The following PARD3B variants were observed in gnomAD, a reference collection of about 807,000 sequenced individuals.
PARD3B encodes the protein partitioning defective 3 homolog B.
A neutral mutation model predicts 130.2 loss-of-function variants in PARD3B; 103 were observed. The ratio of observed to expected loss-of-function variants is 0.79; its 90% CI spans 0.67 to 0.93. PARD3B has a LOEUF of 0.93. Among genes scored for constraint, PARD3B ranks in the 40% least tolerant of loss-of-function variants. PARD3B has a pLI of 0.00. For missense variants in PARD3B, 1,609 were observed against 1,499.2 expected, an observed-to-expected ratio of 1.07 and a Z score of -1.21; for synonymous variants, 583 against 553.2, an observed-to-expected ratio of 1.05 and a Z score of -0.76.
At chr2:204,579,631 C>A (rs1028838332) in intron 1 of PARD3B, among the ~76,000 whole-genome samples, 1 of 152,178 alleles carries the variant, frequency 6.6e-6, no homozygotes, top group African/African-American at 2.4e-5. Context: ...AGAGAGTAAA[C>A]AAATGGTAAT....
intron 2 of PARD3B, among the ~76,000 whole-genome samples, chr2:204,868,401 C>A (rs2045507348): frequency 2.6e-5 from 4 of 151,928 alleles, no homozygotes; most frequent in Admixed American, 2.6e-4. Context: ...ACATATGTTC[C>A]CAGTACCCAT....
chr2:205,099,253 G>A (rs888054207), intron 4 of PARD3B, among the ~76,000 whole-genome samples: 6 of 152,080 alleles, frequency 3.9e-5, no homozygotes, highest in Admixed American at 6.6e-5. Flanking sequence ...ATTATAGAGC[G>A]TCCAAAACCA....
chr2:204,773,971 C>G (rs544216352), intron 2 of PARD3B, among the ~76,000 whole-genome samples: 1 of 151,976 alleles, frequency 6.6e-6, no homozygotes, highest in Non-Finnish European at 1.5e-5. Flanking sequence ...TTTTTCATTC[C>G]TTTTCTCTAC....
At chr2:204,783,113 G>A (rs1161698557) in intron 2 of PARD3B, among the ~76,000 whole-genome samples, 1 of 152,092 alleles carries the variant, frequency 6.6e-6, no homozygotes, top group African/African-American at 2.4e-5. Flanking sequence ...AATTTCAACT[G>A]ACTAGGCAAC....
chr2:205,023,645 C>T (rs1328447576), intron 3 of PARD3B, among the ~76,000 whole-genome samples: 1 of 149,818 alleles, frequency 6.7e-6, no homozygotes, highest in Non-Finnish European at 1.5e-5. Context: ...AGCTGGACTC[C>T]CAATTCAATA....
At chr2:205,356,533 T>G (rs1469245966) in intron 18 of PARD3B, among the ~76,000 whole-genome samples, 1 of 152,080 alleles carries the variant, frequency 6.6e-6, no homozygotes, top group African/African-American at 2.4e-5. Flanking sequence ...TGGCTGAGAT[T>G]ATTTTTTAAA....
chr2:204,800,666 G>C (rs1344761340), intron 2 of PARD3B, among the ~76,000 whole-genome samples: 1 of 152,158 alleles, frequency 6.6e-6, no homozygotes, highest in African/African-American at 2.4e-5. Context: ...TAGGTTGCCT[G>C]TTCACTCTGA....
chr2:205,601,158 G>A (rs1424661979), intron 22 of PARD3B, among the ~76,000 whole-genome samples: 2 of 152,252 alleles, frequency 1.3e-5, no homozygotes, highest in East Asian at 3.9e-4. Context: ...AGCCTCGCTG[G>A]CATCTGTTGT....
chr2:204,658,712 T>C (rs1236284304), intron 1 of PARD3B, among the ~76,000 whole-genome samples: 1 of 152,192 alleles, frequency 6.6e-6, no homozygotes, highest in Non-Finnish European at 1.5e-5. Flanking sequence ...CTAGAAAATA[T>C]GTGAAAAGCT....
chr2:205,618,622 G>A lies in PARD3B; in HGVS notation c.*2809G>A, dbSNP rs113659163. 6.6e-6 allele frequency: 1 copy of A among 152,236 alleles called. No individual in the cohort carries two copies. Among genetic ancestry groups the A allele is most frequent in the Admixed American group, 6.5e-5 (1 of 15,290 alleles). The allele number at this position is 152,236 out of a possible 1,614,324, so 9.4% of individuals were successfully genotyped here. Reference sequence around the variant, plus strand: ...GCTGCAGATCTGACTGCTGGGTCATGAAGGCCGTGAAATGATGTTTGCCCT... The same window carrying A: ...GCTGCAGATCTGACTGCTGGGTCATAAAGGCCGTGAAATGATGTTTGCCCT... On this transcript the variant is annotated 3_prime_UTR_variant, in exon 23 of 23. Transcript: ENST00000406610.
At chr2:205,332,010 C>T (rs950810046) in intron 18 of PARD3B, among the ~76,000 whole-genome samples, 4 of 151,842 alleles carry the variant, frequency 2.6e-5, no homozygotes, top group Non-Finnish European at 4.4e-5. Context: ...GAAACCGAGG[C>T]AGGAGAATCG....
In PARD3B at chr2:205,288,790, C is replaced by T. The variant is rs2041495209; in HGVS notation, c.2186-11740C>T. ...CTACTTCTCTTACCTATATATCATC[C>T]ATCTTCAAGGATATGACCCACATCA... On this transcript the variant is annotated intron_variant, in intron 16 of 22. Coordinates refer to ENST00000406610, the MANE Select transcript of PARD3B (RefSeq NM_001302769.2). The surrounding 1 kb of genome is among the most constrained non-coding windows in gnomAD (Gnocchi z 4.0). Among the ~76,000 whole-genome samples, 1 of 152,166 alleles carries T rather than the reference C, an allele frequency of 6.6e-6. No individual in the cohort carries two copies. Among genetic ancestry groups the T allele is most frequent in the Admixed American group, 6.5e-5 (1 of 15,272 alleles).
At chr2:205,451,071 A>G (rs1368665174) in intron 20 of PARD3B, among the ~76,000 whole-genome samples, 1 of 152,098 alleles carries the variant, frequency 6.6e-6, no homozygotes, top group Non-Finnish European at 1.5e-5. Context: ...ACAACAGAAA[A>G]CTCAGCTGAT....
In PARD3B at chr2:205,128,992, ATTAAG is replaced by A. The variant is rs1169229382; in HGVS notation, c.1434+3260_1434+3264del. Among the ~76,000 whole-genome samples the A allele has an allele frequency of 3.3e-5, 5 of 152,340 alleles. No individual in the cohort carries two copies. The highest frequency in any genetic ancestry group is 1.2e-4 in the African/African-American group (5 of 41,584). On this transcript the variant is annotated intron_variant, in intron 10 of 22. Coordinates refer to ENST00000406610, the MANE Select transcript of PARD3B (RefSeq NM_001302769.2). This position sits in a 1 kb window ranked among gnomAD's most constrained non-coding sequence, Gnocchi z 4.5. Reference sequence around the variant, plus strand: ...ATAGGCCAAGTCCACCAGGGAGCATATTAAGTTAACTGTGCAACTGTGAGATTATG... The same window carrying A: ...ATAGGCCAAGTCCACCAGGGAGCATATTAACTGTGCAACTGTGAGATTATG...
intron 2 of PARD3B, among the ~76,000 whole-genome samples, chr2:204,820,878 A>T (rs2043326472): frequency 6.6e-6 from 1 of 151,798 alleles, no homozygotes; most frequent in African/African-American, 2.4e-5. Flanking sequence ...AAATCCTAGG[A>T]CTCTTAAGAA....
At chr2:205,207,390 A>C (rs1300812499) in intron 15 of PARD3B, among the ~76,000 whole-genome samples, 3 of 148,530 alleles carry the variant, frequency 2.0e-5, no homozygotes, top group Non-Finnish European at 3.0e-5. Context: ...AAGGAAATAG[A>C]GACACAAAAA....
rs1490431818 is a variant in PARD3B at position 205,301,012 on chromosome 2, A to T, written c.2392+276A>T. On this transcript the variant is annotated intron_variant, in intron 17 of 22. Coordinates refer to ENST00000406610, the MANE Select transcript of PARD3B (RefSeq NM_001302769.2). The surrounding 1 kb of genome is among the most constrained non-coding windows in gnomAD (Gnocchi z 5.2). Reference sequence around the variant, plus strand: ...ACCAACTGTCATTTACCCTTAGGGTAGGAGCACTAAGTATGCATTTCTTGA... The same window carrying T: ...ACCAACTGTCATTTACCCTTAGGGTTGGAGCACTAAGTATGCATTTCTTGA... Among the ~76,000 whole-genome samples the T allele has an allele frequency of 6.6e-6, 1 of 152,234 alleles. No homozygotes were observed. The highest frequency in any genetic ancestry group is 1.5e-5 in the Non-Finnish European group (1 of 68,036).
intron 16 of PARD3B, among the ~76,000 whole-genome samples, chr2:205,252,852 C>CAAA (rs1491450103): frequency 6.1e-5 from 4 of 65,490 alleles, no homozygotes; most frequent in Non-Finnish European, 1.3e-4. Flanking sequence ...CCCCCCCCCA[C>CAAA]CAAAAAAAAA....
intron 21 of PARD3B, among the ~76,000 whole-genome samples, chr2:205,544,634 A>T (rs902247234): frequency 5.3e-5 from 8 of 152,220 alleles, no homozygotes; most frequent in African/African-American, 1.9e-4. Flanking sequence ...GGTTATTAAG[A>T]TGCCATAGCC....
Sources: gnomAD v4.1 joint callset for allele counts (sites outside exome capture counted in the v4.1 genomes callset) on GRCh38, gnomAD v4.1.1 for gene constraint, Gnocchi (gnomAD v3.1) non-coding constraint, MANE v1.5 for transcripts, NCBI Gene and HGNC (gene_info 2026-07-23, HGNC 2026-07-21) for gene names.